GALNTL6: variants seen among roughly 807,000 people sequenced by gnomAD.
GALNTL6 encodes the protein polypeptide N-acetylgalactosaminyltransferase-like 6.
In GALNTL6, 46 loss-of-function variants were observed where a neutral mutation model predicts 73.7. That is an observed-to-expected ratio of 0.62 (90% CI 0.49 to 0.80). GALNTL6 has a LOEUF of 0.80. Ranked by LOEUF, GALNTL6 falls within the 30% of genes least tolerant of loss-of-function variation. GALNTL6 has a pLI of 0.00. For missense variants in GALNTL6, 604 were observed against 755.0 expected (o/e 0.80, Z 2.34); for synonymous variants, 259 against 263.7 (o/e 0.98, Z 0.17).
At chr4:172,331,233 A>T (rs772384068) in intron 4 of GALNTL6, among the ~76,000 whole-genome samples, 1 of 151,314 alleles carries the variant, frequency 6.6e-6, no homozygotes, top group Non-Finnish European at 1.5e-5. Context: ...TATTACACAC[A>T]TATTACAAAA....
chr4:171,863,371 G>T (rs1363263194), intron 2 of GALNTL6, among the ~76,000 whole-genome samples: 1 of 152,168 alleles, frequency 6.6e-6, no homozygotes, highest in Non-Finnish European at 1.5e-5. Flanking sequence ...CATATGGAGA[G>T]ACTAGAAGAG....
At chr4:173,034,705 G>A (rs1753611412) in intron 12 of GALNTL6, among the ~76,000 whole-genome samples, 1 of 152,052 alleles carries the variant, frequency 6.6e-6, no homozygotes. Flanking sequence ...TCAATTCAAT[G>A]TTCACACTGG....
chr4:172,531,126 A>G (rs1307485963), intron 5 of GALNTL6, among the ~76,000 whole-genome samples: 4 of 152,186 alleles, frequency 2.6e-5, no homozygotes, highest in African/African-American at 4.8e-5. Flanking sequence ...AGACCTTGAT[A>G]GGTTTTTAGA....
chr4:172,803,545 C>A (rs1740781446), intron 5 of GALNTL6, among the ~76,000 whole-genome samples: 1 of 152,110 alleles, frequency 6.6e-6, no homozygotes, highest in Non-Finnish European at 1.5e-5. Flanking sequence ...AATTCAGATT[C>A]AATGCATTTG....
At chr4:172,870,923 A>G (rs1048981168) in intron 7 of GALNTL6, among the ~76,000 whole-genome samples, 2 of 152,230 alleles carry the variant, frequency 1.3e-5, no homozygotes, top group Non-Finnish European at 2.9e-5. Flanking sequence ...AGAGACAAGG[A>G]CAATTGAGGG....
At chr4:172,570,530 C>T (rs1284847017) in intron 5 of GALNTL6, among the ~76,000 whole-genome samples, 1 of 152,012 alleles carries the variant, frequency 6.6e-6, no homozygotes, top group Non-Finnish European at 1.5e-5. Context: ...TCAGAAGAAA[C>T]CAGACATCCC....
chr4:172,341,145 T>G (rs1311817233), intron 4 of GALNTL6, among the ~76,000 whole-genome samples: 2 of 152,200 alleles, frequency 1.3e-5, no homozygotes, highest in African/African-American at 4.8e-5. Flanking sequence ...TTGCTTGATA[T>G]TCAATGCCTT....
At chr4:172,434,548 T>C (rs749311790) in intron 5 of GALNTL6, among the ~76,000 whole-genome samples, 1 of 152,124 alleles carries the variant, frequency 6.6e-6, no homozygotes, top group Non-Finnish European at 1.5e-5. Context: ...TTTCTGAACA[T>C]AGACTTGCCT....
rs571473667 is a variant in GALNTL6, at chr4:172,392,796, G to T, written c.553+44107G>T. Among the ~76,000 whole-genome samples, 3 of 152,254 alleles carry T rather than the reference G, an allele frequency of 2.0e-5. No individual in the cohort carries two copies. In the East Asian group the frequency reaches 5.8e-4, roughly 29 times the overall value. On this transcript the variant is annotated intron_variant, in intron 5 of 12. Transcript: ENST00000506823. ...TTTTGACCTTTGAGAAGGGAAGCAA[G>T]TTCTCTCCACCTTTGTTTTCCCATA...
chr4:172,338,067 G>A (rs1209330248), intron 4 of GALNTL6, among the ~76,000 whole-genome samples: 2 of 152,104 alleles, frequency 1.3e-5, no homozygotes, highest in African/African-American at 4.8e-5. Flanking sequence ...GGCTACTGAT[G>A]AAAGTCTTCA....
intron 5 of GALNTL6, among the ~76,000 whole-genome samples, chr4:172,482,506 G>A: frequency 6.6e-6 from 1 of 152,228 alleles, no homozygotes; most frequent in Non-Finnish European, 1.5e-5. Flanking sequence ...ATACTGCAAA[G>A]GGCAGTGTTA....
At chr4:171,980,679 G>T (rs772963682) in intron 2 of GALNTL6, among the ~76,000 whole-genome samples, 1 of 152,128 alleles carries the variant, frequency 6.6e-6, no homozygotes, top group South Asian at 2.1e-4. Context: ...GTTCTTGTTC[G>T]TCGAAGTACC....
chr4:172,434,933 G>C (rs531610167), intron 5 of GALNTL6, among the ~76,000 whole-genome samples: 2 of 152,016 alleles, frequency 1.3e-5, no homozygotes, highest in African/African-American at 4.8e-5. Flanking sequence ...CATCTTTTAA[G>C]CATTAAGTAT....
intron 2 of GALNTL6, among the ~76,000 whole-genome samples, chr4:171,882,926 T>A (rs1383033542): frequency 2.0e-5 from 3 of 152,230 alleles, no homozygotes; most frequent in African/African-American, 7.2e-5. Context: ...AACAGTAAAT[T>A]GGTAATGCAA....
At chr4:173,034,193 T>A (rs72708781) in intron 12 of GALNTL6, among the ~76,000 whole-genome samples, 5,538 of 152,244 alleles carry the variant, frequency 0.036, 120 homozygotes, top group African/African-American at 0.051. Context: ...TGGTCTCGTT[T>A]TTGCATCAGC....
chr4:172,907,238 A>G (rs888886231), intron 8 of GALNTL6, among the ~76,000 whole-genome samples: 5 of 152,204 alleles, frequency 3.3e-5, no homozygotes, highest in Non-Finnish European at 5.9e-5. Flanking sequence ...CAGAAAAGAA[A>G]GAAATTCTTC....
intron 5 of GALNTL6, among the ~76,000 whole-genome samples, chr4:172,782,942 T>C (rs1423707775): frequency 6.6e-6 from 1 of 152,024 alleles, no homozygotes; most frequent in African/African-American, 2.4e-5. Context: ...CTAGAAAAAA[T>C]GTCACATGTA....
chr4:171,887,278 T>A (rs1278041402), intron 2 of GALNTL6, among the ~76,000 whole-genome samples: 1 of 152,130 alleles, frequency 6.6e-6, no homozygotes, highest in Non-Finnish European at 1.5e-5. Context: ...ACAAGGGTTT[T>A]GGAGGAAACA....
At chr4:172,778,804 G>A (rs187011014) in intron 5 of GALNTL6, among the ~76,000 whole-genome samples, 3 of 152,256 alleles carry the variant, frequency 2.0e-5, no homozygotes, top group African/African-American at 7.2e-5. Flanking sequence ...AAAAAGTCAG[G>A]CACAGTCCCT....
Sources: allele counts gnomAD v4.1 joint callset (sites outside exome capture counted in the v4.1 genomes callset), GRCh38; gene constraint gnomAD v4.1.1; transcripts MANE v1.5; gene names NCBI Gene and HGNC (gene_info 2026-07-23, HGNC 2026-07-21).